ROBO1: variants seen among roughly 807,000 people sequenced by gnomAD.
ROBO1 encodes roundabout guidance receptor 1, also known as roundabout homolog 1.
A neutral mutation model predicts 195.9 loss-of-function variants in ROBO1; 149 were observed. The ratio of observed to expected loss-of-function variants is 0.76; its 90% CI spans 0.67 to 0.87. ROBO1 has a LOEUF of 0.87. Ranked by LOEUF, ROBO1 falls within the 40% of genes least tolerant of loss-of-function variation. ROBO1 has a pLI of 0.00. For synonymous variants in ROBO1, 816 were observed against 733.2 expected (o/e 1.11, Z -1.82); for missense variants, 1,933 against 2,068.3 (o/e 0.93, Z 1.27).
At chr3:79,143,335 T>TA (rs1354991685) in intron 2 of ROBO1, among the ~76,000 whole-genome samples, 1 of 152,000 alleles carries the variant, frequency 6.6e-6, no homozygotes, top group Non-Finnish European at 1.5e-5. Context: ...AGCTTCTAGG[T>TA]AAAAAATTCT....
chr3:79,053,248 C>T (rs980982439), intron 3 of ROBO1, among the ~76,000 whole-genome samples: 4 of 151,962 alleles, frequency 2.6e-5, no homozygotes, highest in Admixed American at 2.0e-4. Flanking sequence ...CCTTCCTCTC[C>T]CACACGGCCT....
intron 20 of ROBO1, among the ~76,000 whole-genome samples, 172 bp downstream of exon 20, chr3:78,647,457 C>G (rs879134394): frequency 1.3e-5 from 2 of 152,002 alleles, no homozygotes; most frequent in South Asian, 4.1e-4. Context: ...AAAAGCAACA[C>G]CAACCATTTC....
At chr3:79,584,596 T>C (rs1943761519) in intron 2 of ROBO1, among the ~76,000 whole-genome samples, 1 of 142,392 alleles carries the variant, frequency 7.0e-6, no homozygotes, top group African/African-American at 2.9e-5. Flanking sequence ...ACCTCCATGA[T>C]TTGTAGGTGG....
chr3:78,775,643 C>T (rs1339562667), intron 4 of ROBO1, among the ~76,000 whole-genome samples: 1 of 152,202 alleles, frequency 6.6e-6, no homozygotes, highest in African/African-American at 2.4e-5. Flanking sequence ...CGAAAAAATA[C>T]ATGCTTTAAA....
At chr3:79,438,164 G>A (rs1389657276) in intron 2 of ROBO1, among the ~76,000 whole-genome samples, 7 of 151,428 alleles carry the variant, frequency 4.6e-5, no homozygotes, top group East Asian at 1.9e-4. Context: ...ATTTATATAC[G>A]ATTTTGAATA....
intron 8 of ROBO1, among the ~76,000 whole-genome samples, chr3:78,711,709 G>A (rs551154827): frequency 6.0e-5 from 9 of 150,102 alleles, no homozygotes; most frequent in East Asian, 4.0e-4. Flanking sequence ...GGCCGGTCTC[G>A]AACTCCGTAC....
At chr3:78,981,018 GTTAAC>G (rs1313976308) in intron 3 of ROBO1, among the ~76,000 whole-genome samples, 3 of 152,230 alleles carry the variant, frequency 2.0e-5, no homozygotes, top group Admixed American at 6.5e-5. Context: ...TGTTATATGT[GTTAAC>G]TTAATAGTTT....
chr3:78,703,123 G>A (rs182151897), intron 8 of ROBO1, among the ~76,000 whole-genome samples: 2 of 152,204 alleles, frequency 1.3e-5, no homozygotes, highest in Non-Finnish European at 2.9e-5. Context: ...TTCATCAGTC[G>A]TTAGGGTTAC....
intron 2 of ROBO1, among the ~76,000 whole-genome samples, chr3:79,182,569 G>GTGTA (rs1173768907): frequency 2.0e-5 from 3 of 151,878 alleles, no homozygotes; most frequent in African/African-American, 4.8e-5. Context: ...GTGTGTGTGT[G>GTGTA]TGCGTGCGTG....
intron 2 of ROBO1, among the ~76,000 whole-genome samples, chr3:79,539,526 G>T (rs1941990590): frequency 6.6e-6 from 1 of 151,874 alleles, no homozygotes; most frequent in African/African-American, 2.4e-5. Flanking sequence ...TATATATATT[G>T]AAACATGCAT....
At chr3:79,750,792 G>A (rs1704098667) in intron 1 of ROBO1, among the ~76,000 whole-genome samples, 2 of 152,124 alleles carry the variant, frequency 1.3e-5, no homozygotes, top group South Asian at 4.1e-4. Flanking sequence ...TCAGTCTAGG[G>A]TATGTCTTTA....
intron 2 of ROBO1, among the ~76,000 whole-genome samples, chr3:79,140,410 C>T (rs2108610746): frequency 6.6e-6 from 1 of 152,094 alleles, no homozygotes; most frequent in South Asian, 2.1e-4. Flanking sequence ...TGACTTTGGG[C>T]AAGTTACATT....
At chr3:78,962,369 T>C (rs2041395669) in intron 3 of ROBO1, among the ~76,000 whole-genome samples, 1 of 152,168 alleles carries the variant, frequency 6.6e-6, no homozygotes, top group Non-Finnish European at 1.5e-5. Context: ...TTTTCTTTAC[T>C]TTTTTGGTGG....
rs566578354 is a variant in ROBO1, at chr3:78,623,867, A to G, written c.3875+3454T>C. ...GATTTGTAGAGAAATAGCTATCTAT[A>G]TCTATGAGTGTACCATTAGGGAAAT... On this transcript the variant is annotated intron_variant, in intron 26 of 30. Coordinates refer to ENST00000464233, the MANE Select transcript of ROBO1 (RefSeq NM_002941.4). 1.2e-4 allele frequency among the ~76,000 whole-genome samples: 18 copies of G among 152,316 alleles called. No homozygotes were observed. In the South Asian group the frequency reaches 3.1e-3, roughly 26 times the overall value.
chr3:79,734,012 ATCTGG>A (rs2107373015), intron 1 of ROBO1, among the ~76,000 whole-genome samples: 1 of 148,744 alleles, frequency 6.7e-6, no homozygotes, highest in Non-Finnish European at 1.5e-5. Flanking sequence ...CAATGGTGCG[ATCTGG>A]TCTCACTGCA....
intron 28 of ROBO1, among the ~76,000 whole-genome samples, chr3:78,610,185 T>G: frequency 6.6e-6 from 1 of 152,198 alleles, no homozygotes. Context: ...AAAATCAAGT[T>G]TTTTTGTCTT....
At chr3:78,763,201 G>C (rs931909302) in intron 4 of ROBO1, among the ~76,000 whole-genome samples, 1 of 152,076 alleles carries the variant, frequency 6.6e-6, no homozygotes, top group Non-Finnish European at 1.5e-5. Context: ...TTAAGTGTTG[G>C]TATCAAAGCA....
intron 3 of ROBO1, among the ~76,000 whole-genome samples, chr3:79,079,979 T>A (rs1201891688): frequency 6.6e-6 from 1 of 151,620 alleles, no homozygotes; most frequent in African/African-American, 2.4e-5. Flanking sequence ...AAACAAAGCT[T>A]CAGATGATGA....
rs181247129 is a variant in ROBO1, at chr3:79,186,347, G to A, written c.89-60808C>T. ...TACACACACATATTTATAAACACACGTGTTTTATATTTACACATAAATATA... is the reference window on the plus strand; with the variant it reads ...TACACACACATATTTATAAACACACATGTTTTATATTTACACATAAATATA... On this transcript the variant is annotated intron_variant, in intron 2 of 30. Transcript: ENST00000464233. Among the ~76,000 whole-genome samples, 318 of 127,012 alleles carry A rather than the reference G, an allele frequency of 2.5e-3. 3 individuals carry two copies. Among genetic ancestry groups the A allele is most frequent in the African/African-American group, 0.012 (309 of 26,298 alleles). 83.3% of individuals were successfully genotyped at this position (127,012 alleles called of 152,430 possible).
Sources: gnomAD v4.1 joint callset for allele counts (sites outside exome capture counted in the v4.1 genomes callset) on GRCh38, gnomAD v4.1.1 for gene constraint, MANE v1.5 for transcripts, NCBI Gene and HGNC (gene_info 2026-07-23, HGNC 2026-07-21) for gene names.